Variants in MEP1B observed in about 807,000 individuals in gnomAD.
MEP1B encodes N-benzoyl-L-tyrosyl-P-amino-benzoic acid hydrolase subunit beta.
In MEP1B, 80 loss-of-function variants were observed where a neutral mutation model predicts 84.6. The observed-to-expected ratio is 0.95, with a 90% confidence interval of 0.79 to 1.14. The LOEUF (loss-of-function observed/expected upper bound fraction) is 1.14, where lower values mean the gene tolerates loss of function less well. Among genes scored for constraint, MEP1B ranks in the 50% most tolerant of loss-of-function variants. The pLI, the probability that MEP1B is intolerant of heterozygous loss-of-function variation, is 0.00. For synonymous variants in MEP1B, 273 were observed against 288.1 expected, an observed-to-expected ratio of 0.95 and a Z score of 0.53; for missense variants, 766 against 855.1, an observed-to-expected ratio of 0.90 and a Z score of 1.30.
At chr18:32,215,367 A>C in intron 12 of MEP1B, 106 bp downstream of exon 12, 1 of 633,150 alleles carries the variant, frequency 1.6e-6, no homozygotes, top group Non-Finnish European at 2.6e-6. Context: ...TATTATATAG[A>C]GATGTGGGGG....
chr18:32,199,660 T>TTTCG lies in MEP1B; in HGVS notation c.251-3225_251-3222dup, dbSNP rs71177848. On this transcript the variant is annotated intron_variant, in intron 5 of 14. Transcript: ENST00000269202. ...TTGTTTTAATTCTTCCTTTTTTTCC[T>TTTCG]TTCGTTCGTTCCTTCCTTCCTTCCT... 1.2e-3 allele frequency among the ~76,000 whole-genome samples: 117 copies of TTTCG among 96,586 alleles called. 2 individuals carry two copies. The highest frequency in any genetic ancestry group is 5.0e-3 in the Middle Eastern group (1 of 202). 63.4% of individuals were successfully genotyped at this position (96,586 alleles called of 152,430 possible).
At chr18:32,209,939 A>G (rs548255255) in intron 9 of MEP1B, among the ~76,000 whole-genome samples, 3 of 152,292 alleles carry the variant, frequency 2.0e-5, no homozygotes, top group African/African-American at 7.2e-5. Flanking sequence ...CTTGGGAGAC[A>G]CAGATGCTAC....
chr18:32,211,941 C>G (rs2041032400), intron 10 of MEP1B, among the ~76,000 whole-genome samples: 2 of 151,428 alleles, frequency 1.3e-5, no homozygotes, highest in African/African-American at 4.9e-5. Context: ...TTGTGAACAC[C>G]TGTAAGCAGT....
At chr18:32,211,176 G>A (rs767448428) in intron 10 of MEP1B, among the ~76,000 whole-genome samples, 3 of 152,140 alleles carry the variant, frequency 2.0e-5, no homozygotes, top group East Asian at 1.9e-4. Context: ...GCTGAGGCAG[G>A]AGAATTGCTT....
chr18:32,198,417 G>C (rs1568265487), intron 5 of MEP1B, among the ~76,000 whole-genome samples: 1 of 152,206 alleles, frequency 6.6e-6, no homozygotes, highest in Non-Finnish European at 1.5e-5. Context: ...TTCACCAGGA[G>C]GCATTTGTTT....
At chr18:32,192,120 A>C (rs1175942465) in intron 2 of MEP1B, among the ~76,000 whole-genome samples, 2 of 152,066 alleles carry the variant, frequency 1.3e-5, no homozygotes, top group East Asian at 3.8e-4. Flanking sequence ...ATTTTGTGTC[A>C]AATCAGATGG....
chr18:32,192,443 T>C (rs1178881620), intron 2 of MEP1B, among the ~76,000 whole-genome samples: 3 of 152,114 alleles, frequency 2.0e-5, no homozygotes, highest in African/African-American at 7.2e-5. Context: ...ACAGAATACA[T>C]ACATAAAAGC....
chr18:32,219,517 T>C (rs952024336), intron 14 of MEP1B, among the ~76,000 whole-genome samples: 3 of 152,008 alleles, frequency 2.0e-5, no homozygotes, highest in African/African-American at 7.2e-5. Context: ...TCCTGGGCCA[T>C]TGGGATGAGC....
chr18:32,208,353 T>G, intron 9 of MEP1B, 82 bp downstream of exon 9: 3 of 1,310,412 alleles, frequency 2.3e-6, no homozygotes, highest in Non-Finnish European at 3.1e-6. Context: ...GGATTTTATC[T>G]CTAATTTCTA....
chr18:32,207,413 C>T lies in MEP1B; in HGVS notation c.709C>T (p.Gln237Ter). ...CTCAGACTTTGAGGATGTGATCGGC[C>T]AACGAATGGATTTCAGTGACTCTGA... ...RISDFEDVIG[Q>*]RMDFSDSDLL... Residue 237 changes from glutamine (Q) to a stop codon, truncating the protein, a stop_gained, in exon 8 of 15, where the codon CAA becomes TAA. Coordinates refer to ENST00000269202, the MANE Select transcript of MEP1B (RefSeq NM_005925.3). LOFTEE classifies it high-confidence loss of function. 6.2e-7 allele frequency: 1 copy of T among 1,613,236 alleles called. No individual in the cohort carries two copies. Among genetic ancestry groups the T allele is most frequent in the South Asian group, 1.1e-5 (1 of 90,848 alleles).
In MEP1B at chr18:32,213,179, T is replaced by C; in HGVS notation, c.1199T>C (p.Val400Ala). ...TTGAAAGTGACCAAGAAGTTTAGAG[T>C]GGTGTTTGAAGGACGCAAAGGCTCT... ...VTLKVTKKFR[V>A]VFEGRKGSGA... is the part of the protein sequence containing the mutation. Residue 400 changes from valine to alanine, a missense_variant, in exon 11 of 15, where the codon GTG becomes GCG. Physicochemically the swap from Val to Ala is moderately conservative, Grantham distance 64. Transcript: ENST00000269202. The C allele has an allele frequency of 6.2e-7, 1 of 1,613,736 alleles. No homozygotes were observed. The highest frequency in any genetic ancestry group is 8.5e-7 in the Non-Finnish European group (1 of 1,179,834).
At chr18:32,198,301 A>G (rs888940303) in intron 5 of MEP1B, among the ~76,000 whole-genome samples, 15 of 152,222 alleles carry the variant, frequency 9.9e-5, no homozygotes, top group African/African-American at 3.6e-4. Flanking sequence ...ACTGAGAGAA[A>G]TGAATGAAGA....
chr18:32,196,185 T>C lies in MEP1B; in HGVS notation c.250+700T>C. On this transcript the variant is annotated intron_variant, in intron 5 of 14. Transcript: ENST00000269202. The surrounding 1 kb of genome is among the most constrained non-coding windows in gnomAD (Gnocchi z 4.4). ...GCTGGTGTCACTGCGCCACCTCGGCTTTCAGACTCTCCAAGTCTTTTTGGC... is the reference window on the plus strand; with the variant it reads ...GCTGGTGTCACTGCGCCACCTCGGCCTTCAGACTCTCCAAGTCTTTTTGGC... 1 of 637,030 alleles carries C rather than the reference T, an allele frequency of 1.6e-6. No homozygotes were observed. Among genetic ancestry groups the C allele is most frequent in the Non-Finnish European group, 3.0e-6 (1 of 337,578 alleles). 39.5% of individuals were successfully genotyped at this position (637,030 alleles called of 1,614,324 possible).
intron 2 of MEP1B, 116 bp downstream of exon 2, chr18:32,191,956 C>G: frequency 3.1e-6 from 2 of 639,070 alleles, no homozygotes; most frequent in South Asian, 4.1e-5. Context: ...GAACTTTGAT[C>G]TAATACTGGA....
intron 9 of MEP1B, among the ~76,000 whole-genome samples, 166 bp from the exon 10 acceptor site, chr18:32,210,334 CT>C (rs2041011757): frequency 6.6e-6 from 1 of 152,230 alleles, no homozygotes; most frequent in South Asian, 2.1e-4. Flanking sequence ...AATCTGCTAG[CT>C]TTTGCAAGTG....
intron 14 of MEP1B, among the ~76,000 whole-genome samples, chr18:32,218,810 A>C (rs1242589646): frequency 1.3e-5 from 2 of 152,164 alleles, no homozygotes; most frequent in African/African-American, 4.8e-5. Context: ...AGGGGGCATA[A>C]AATTGGGCAA....
chr18:32,190,256 G>A, intron 1 of MEP1B, 123 bp downstream of exon 1: 1 of 732,152 alleles, frequency 1.4e-6, no homozygotes, highest in Non-Finnish European at 2.3e-6. Flanking sequence ...TCTCAAATGA[G>A]TGTTTCTTCT....
chr18:32,192,563 A>G, intron 2 of MEP1B, 83 bp from the exon 3 acceptor site: 1 of 1,281,568 alleles, frequency 7.8e-7, no homozygotes. Flanking sequence ...AAACTTGCTT[A>G]GTTCTGATTA....
chr18:32,210,675 A>G lies in MEP1B; in HGVS notation c.1094A>G (p.Asp365Gly). 6.2e-7 allele frequency: 1 copy of G among 1,613,972 alleles called. No individual in the cohort carries two copies. Among genetic ancestry groups the G allele is most frequent in the Non-Finnish European group, 8.5e-7 (1 of 1,179,866 alleles). Residue 365 changes from aspartate to glycine, a missense_variant, in exon 10 of 15, where the codon GAC becomes GGC. Transcript: ENST00000269202. ...LNIYIREYSA[D>G]NVDGNLTLVE... ...ATCTATATCAGGGAGTATTCTGCAG[A>G]CAATGTGGATGGCAATTTAACCCTT...
Sources: allele counts gnomAD v4.1 joint callset (sites outside exome capture counted in the v4.1 genomes callset), GRCh38; gene constraint gnomAD v4.1.1; non-coding constraint Gnocchi (gnomAD v3.1); transcripts MANE v1.5; gene names NCBI Gene and HGNC (gene_info 2026-07-23, HGNC 2026-07-21).